The following NDUFAF6 variants were observed in gnomAD, a reference collection of about 807,000 sequenced individuals.
NDUFAF6 encodes NADH:ubiquinone oxidoreductase complex assembly factor 6, also known as NADH dehydrogenase (ubiquinone) complex I, assembly factor 6.
A neutral mutation model predicts 40.8 loss-of-function variants in NDUFAF6; 45 were observed. That is an observed-to-expected ratio of 1.10 (90% CI 0.87 to 1.42). The LOEUF is 1.42. NDUFAF6 is among the 40% of genes most tolerant of loss of function. NDUFAF6 has a pLI of 0.00. For missense variants in NDUFAF6, 435 were observed against 418.5 expected, an observed-to-expected ratio of 1.04 and a Z score of -0.34; for synonymous variants, 185 against 155.9, an observed-to-expected ratio of 1.19 and a Z score of -1.39.
chr8:95,013,106 C>CTT (rs1009657268), intron 2 of NDUFAF6, among the ~76,000 whole-genome samples: 2 of 148,334 alleles, frequency 1.3e-5, no homozygotes, highest in Non-Finnish European at 3.0e-5. Context: ...TCTTCTTCTC[C>CTT]TTTTTTTTTT....
At chr8:94,909,788 G>GTA (rs143566952) in intron 1 of NDUFAF6, among the ~76,000 whole-genome samples, 89,627 of 146,856 alleles carry the variant, frequency 0.61, 28,100 homozygotes, top group East Asian at 0.79. Context: ...TTATATATGT[G>GTA]TATATATATA....
At chr8:95,052,103 G>A in intron 7 of NDUFAF6, 71 bp from the exon 8 acceptor site, 1 of 1,402,762 alleles carries the variant, frequency 7.1e-7, no homozygotes, top group Non-Finnish European at 1.0e-6. Context: ...TTAAACTGCT[G>A]GTGTTGCTTT....
chr8:95,023,789 G>A (rs531359541), upstream of NDUFAF6, among the ~76,000 whole-genome samples: 24 of 152,198 alleles, frequency 1.6e-4, no homozygotes, highest in African/African-American at 5.1e-4. Flanking sequence ...AGGTCAGATC[G>A]AGACCATCCT....
intron 1 of NDUFAF6, among the ~76,000 whole-genome samples, chr8:95,027,973 G>A (rs1828379165): frequency 6.6e-6 from 1 of 152,220 alleles, no homozygotes; most frequent in African/African-American, 2.4e-5. Flanking sequence ...GCTTTGAGGA[G>A]GATAAACACA....
chr8:95,118,342 G>A (rs1810176285), downstream of NDUFAF6, among the ~76,000 whole-genome samples: 1 of 152,216 alleles, frequency 6.6e-6, no homozygotes, highest in African/African-American at 2.4e-5. Context: ...GGCCAGTTCA[G>A]GTTCAAAGGG....
At chr8:94,938,550 C>T (rs1484746057) in intron 1 of NDUFAF6, among the ~76,000 whole-genome samples, 1 of 152,220 alleles carries the variant, frequency 6.6e-6, no homozygotes, top group Admixed American at 6.5e-5. Flanking sequence ...TTTAGCCCCA[C>T]CCCTCAAACT....
chr8:94,993,323 A>G (rs1239620531), intron 2 of NDUFAF6, among the ~76,000 whole-genome samples: 4 of 152,186 alleles, frequency 2.6e-5, no homozygotes, highest in Non-Finnish European at 1.5e-5. Flanking sequence ...ACTTCAACAT[A>G]TGTGTTGGGA....
At chr8:94,931,613 A>ATATAT (rs1563721230) in intron 1 of NDUFAF6, among the ~76,000 whole-genome samples, 6 of 46,030 alleles carry the variant, frequency 1.3e-4, no homozygotes, top group Non-Finnish European at 2.7e-4. Context: ...CACACACATA[A>ATATAT]AATTTTTTTA....
chr8:94,935,176 T>TAGATAG (rs1563725845), intron 1 of NDUFAF6, among the ~76,000 whole-genome samples: 123 of 80,942 alleles, frequency 1.5e-3, no homozygotes, highest in African/African-American at 5.1e-3. Flanking sequence ...TAGATAGATA[T>TAGATAG]AATACAATAC....
Position 95,048,492 on chromosome 8 carries a change from C to A in NDUFAF6, c.750C>A (p.Asn250Lys), listed in dbSNP as rs1328289627. ...CACAAGAGGACTTTCTACGGAGGAA[C>A]CAAGATAAAAATGTGAGAGATGTAA... is the stretch of plus-strand genomic sequence containing the variant. ...GVSQEDFLRR[N>K]QDKNVRDVIY... is the part of the protein sequence containing the mutation. Residue 250 changes from asparagine to lysine, a missense_variant, in exon 7 of 9, where the codon AAC becomes AAA. Coordinates refer to ENST00000396124, the MANE Select transcript of NDUFAF6 (RefSeq NM_152416.4). 1 of 1,614,038 alleles carries A rather than the reference C, an allele frequency of 6.2e-7. No homozygotes were observed. Among genetic ancestry groups the A allele is most frequent in the African/African-American group, 1.3e-5 (1 of 75,008 alleles).
intron 1 of NDUFAF6, among the ~76,000 whole-genome samples, chr8:94,974,388 G>A (rs892920043): frequency 6.6e-6 from 1 of 152,066 alleles, no homozygotes; most frequent in South Asian, 2.1e-4. Context: ...CTGATTCAAA[G>A]AAACTTGCCC....
chr8:94,953,810 CT>C (rs11365784), upstream of NDUFAF6, among the ~76,000 whole-genome samples: 138,609 of 151,756 alleles, frequency 0.91, 63,378 homozygotes, highest in Admixed American at 0.94. Flanking sequence ...TTATTGGATT[CT>C]TTTTTTTTTC....
intron 9 of NDUFAF6, among the ~76,000 whole-genome samples, chr8:95,071,328 G>A (rs1832848034): frequency 6.7e-6 from 1 of 149,258 alleles, no homozygotes; most frequent in South Asian, 2.1e-4. Flanking sequence ...AACCTGGGAG[G>A]TGGAGTTTGC....
At chr8:95,023,668 T>G (rs1419852167), upstream of NDUFAF6, among the ~76,000 whole-genome samples, 1 of 152,158 alleles carries the variant, frequency 6.6e-6, no homozygotes, top group Non-Finnish European at 1.5e-5. Flanking sequence ...GACCCACCTC[T>G]AATATTTGAG....
intron 2 of NDUFAF6, among the ~76,000 whole-genome samples, chr8:95,085,300 A>G (rs1209687297): frequency 6.6e-6 from 1 of 152,216 alleles, no homozygotes; most frequent in Non-Finnish European, 1.5e-5. Context: ...TAACTACGGA[A>G]GAGGAATTGT....
At chr8:95,026,693 T>C (rs1350130554) in intron 1 of NDUFAF6, among the ~76,000 whole-genome samples, 1 of 152,172 alleles carries the variant, frequency 6.6e-6, no homozygotes, top group Non-Finnish European at 1.5e-5. Context: ...TGTCATAACT[T>C]TGCAGAGATA....
At chr8:95,056,350 G>A (rs1227993498) in intron 8 of NDUFAF6, among the ~76,000 whole-genome samples, 1 of 151,576 alleles carries the variant, frequency 6.6e-6, no homozygotes, top group African/African-American at 2.4e-5. Flanking sequence ...AGCTGGGACT[G>A]CAGGTGTACA....
intron 1 of NDUFAF6, among the ~76,000 whole-genome samples, chr8:94,934,018 A>G (rs920006609): frequency 2.0e-5 from 3 of 151,994 alleles, no homozygotes; most frequent in Non-Finnish European, 4.4e-5. Flanking sequence ...CAGAGGTTGC[A>G]GTGAGCCAAG....
At chr8:94,962,591 C>T (rs1014385536) in intron 1 of NDUFAF6, among the ~76,000 whole-genome samples, 2 of 151,708 alleles carry the variant, frequency 1.3e-5, no homozygotes, top group African/African-American at 4.8e-5. Context: ...CCACACCTAG[C>T]CCAGACTTCT....
Sources: allele counts gnomAD v4.1 joint callset (sites outside exome capture counted in the v4.1 genomes callset), GRCh38; gene constraint gnomAD v4.1.1; transcripts MANE v1.5; gene names NCBI Gene and HGNC (gene_info 2026-07-23, HGNC 2026-07-21).